Variants in EXOC3L4 observed in about 807,000 individuals in gnomAD.
The protein encoded by EXOC3L4 is exocyst complex component 3 like 4.
EXOC3L4 carries 62 observed loss-of-function variants against 69.7 expected under a neutral mutation model. The observed-to-expected ratio is 0.89, with a 90% CI of 0.72 to 1.10. The LOEUF is 1.10. Among genes scored for constraint, EXOC3L4 ranks in the 50% least tolerant of loss-of-function variants. EXOC3L4 has a pLI of 0.00. For missense variants in EXOC3L4, 1,087 were observed against 1,034.8 expected (o/e 1.05, Z -0.69); for synonymous variants, 502 against 464.2 (o/e 1.08, Z -1.05).
At chr14:103,099,296 G>C (rs1292605512) in intron 1 of EXOC3L4, among the ~76,000 whole-genome samples, 2 of 152,210 alleles carry the variant, frequency 1.3e-5, no homozygotes, top group Admixed American at 1.3e-4. Context: ...AGCTCCTAAC[G>C]CTGGAAGGGG....
At chr14:103,103,340 GCAAGACTCTGT>G (rs1353008947) in intron 3 of EXOC3L4, among the ~76,000 whole-genome samples, 2 of 121,302 alleles carry the variant, frequency 1.6e-5, no homozygotes, top group Non-Finnish European at 3.2e-5. Flanking sequence ...GGGCGACAGA[GCAAGACTCTGT>G]CTCAAAAAAA....
At chr14:103,101,775 C>T (rs186406425) in intron 2 of EXOC3L4, among the ~76,000 whole-genome samples, 149 of 152,312 alleles carry the variant, frequency 9.8e-4, no homozygotes, top group African/African-American at 3.3e-3. Flanking sequence ...GAGCTCCGAC[C>T]CTATTAGACC....
Position 103,104,359 on chromosome 14 carries a change from C to A in EXOC3L4, c.1254C>A (p.Tyr418Ter), listed in dbSNP as rs1435296224. Residue 418 changes from tyrosine (Y) to a stop codon, truncating the protein, a stop_gained, in exon 5 of 12, where the codon TAC becomes TAA. Transcript: ENST00000688303. LOFTEE classifies it high-confidence loss of function. The stretch of plus-strand genomic sequence containing the variant: ...TCCCCGAGGTGCTGCAGGGCCTCTA[C>A]CAGGCGCCGCTGTCCATGGACGTCC... Reference protein sequence around the residue: ...AEVPEVLQGLYQAPLSMDVHM... With the variant: ...AEVPEVLQGL The A allele has an allele frequency of 6.3e-7, 1 of 1,587,192 alleles. No individual in the cohort carries two copies. Among genetic ancestry groups the A allele is most frequent in the East Asian group, 2.3e-5 (1 of 43,174 alleles).
chr14:103,102,034 G>C (rs1890211557), intron 2 of EXOC3L4, 84 bp from the exon 3 acceptor site: 1 of 1,401,196 alleles, frequency 7.1e-7, no homozygotes, highest in South Asian at 1.4e-5. Flanking sequence ...AGCCCCGATG[G>C]ATTGAGCCGT....
chr14:103,104,351 G>C lies in EXOC3L4; in HGVS notation c.1246G>C (p.Gly416Arg), dbSNP rs1364083456. The change falls in exon 5 of 12, where the codon GGC (glycine) becomes CGC (arginine). Residue 416 changes from glycine to arginine, a missense_variant. Physicochemically the swap from Gly to Arg is moderately radical, Grantham distance 125. Transcript: ENST00000688303. Reference sequence around the variant, plus strand: ...CGCCGAGGTCCCCGAGGTGCTGCAGGGCCTCTACCAGGCGCCGCTGTCCAT... The same window carrying C: ...CGCCGAGGTCCCCGAGGTGCTGCAGCGCCTCTACCAGGCGCCGCTGTCCAT... ...AAAEVPEVLQ[G>R]LYQAPLSMDV... 2 of 1,589,862 alleles carry C rather than the reference G, an allele frequency of 1.3e-6. No individual in the cohort carries two copies. Among genetic ancestry groups the C allele is most frequent in the East Asian group, 4.6e-5 (2 of 43,328 alleles).
chr14:103,098,582 T>G (rs1004655692), intron 1 of EXOC3L4: 1 of 152,274 alleles, frequency 6.6e-6, no homozygotes, highest in African/African-American at 2.4e-5. Flanking sequence ...GCCTGGCTTG[T>G]CCTTCCCCAC....
chr14:103,103,910 C>A, intron 3 of EXOC3L4, 31 bp from the exon 4 acceptor site: 2 of 1,487,820 alleles, frequency 1.3e-6, no homozygotes, highest in South Asian at 1.2e-5. Flanking sequence ...CAGAGCCGCT[C>A]CCGCCCCCAG....
chr14:103,094,548 T>C (rs1013241968), upstream of EXOC3L4, among the ~76,000 whole-genome samples: 1 of 151,966 alleles, frequency 6.6e-6, no homozygotes, highest in Non-Finnish European at 1.5e-5. Context: ...TCTCTGACCC[T>C]TGGACTGAGC....
chr14:103,106,993 A>G (rs1890590587), intron 8 of EXOC3L4, 94 bp downstream of exon 8: 1 of 1,063,206 alleles, frequency 9.4e-7, no homozygotes, highest in Admixed American at 2.6e-5. Flanking sequence ...GCATTCATTT[A>G]TTCCAGGGTG....
chr14:103,105,188 G>C, intron 7 of EXOC3L4, 116 bp downstream of exon 7: 1 of 1,020,542 alleles, frequency 9.8e-7, no homozygotes, highest in Non-Finnish European at 1.4e-6. Flanking sequence ...TGAGGAGTGT[G>C]TGTGTGTGTT....
Position 103,102,646 on chromosome 14 carries a change from C to A in EXOC3L4, c.923C>A (p.Ala308Glu), listed in dbSNP as rs1454447335. 1.3e-6 allele frequency: 2 copies of A among 1,500,084 alleles called. No individual in the cohort carries two copies. The highest frequency in any genetic ancestry group is 1.8e-6 in the Non-Finnish European group (2 of 1,130,568). The allele number at this position is 1,500,084 out of a possible 1,614,324, so 92.9% of individuals were successfully genotyped here. Reference protein sequence around the residue: ...QPAYAAAGFPAWEVYLRAFHS... With the variant: ...QPAYAAAGFPEWEVYLRAFHS... ...GCGTATGCGGCGGCCGGCTTCCCAG[C>A]GTGGGAGGTCTATCTGCGTGCCTTC... Residue 308 changes from alanine to glutamate, a missense_variant, in exon 3 of 12, where the codon GCG becomes GAG. Transcript: ENST00000688303.
intron 7 of EXOC3L4, among the ~76,000 whole-genome samples, chr14:103,105,358 CTGTGTGTGTGTG>C (rs56105443): frequency 2.8e-5 from 4 of 141,590 alleles, no homozygotes; most frequent in African/African-American, 1.1e-4. Context: ...GAGCTGAGGG[CTGTGTGTGTGTG>C]TGTGTGTGTG....
chr14:103,103,845 C>G (rs1194296330), intron 3 of EXOC3L4, 96 bp from the exon 4 acceptor site: 13 of 704,570 alleles, frequency 1.8e-5, no homozygotes, highest in Non-Finnish European at 3.0e-5. Flanking sequence ...TGCCCAGGTT[C>G]GGGATTGGCG....
intron 5 of EXOC3L4, 151 bp from the exon 6 acceptor site, chr14:103,104,587 G>A: frequency 1.6e-6 from 2 of 1,236,658 alleles, no homozygotes; most frequent in South Asian, 1.7e-5. Context: ...GTTTGCGGGA[G>A]TTGACTCTCC....
rs568427314 is a variant in EXOC3L4 at position 103,100,566 on chromosome 14, A to C, written c.347A>C (p.Gln116Pro). 14 of 1,610,648 alleles carry C rather than the reference A, an allele frequency of 8.7e-6. No homozygotes were observed. In the African/African-American group the frequency reaches 1.9e-4, roughly 21 times the overall value. Reference protein sequence around the residue: ...VPSGVMNGVSQQASTGAASEE... With the variant: ...VPSGVMNGVSPQASTGAASEE... Reference sequence around the variant, plus strand: ...TCGGGGGTCATGAATGGTGTCAGCCAGCAGGCATCCACTGGGGCAGCGTCT... The same window carrying C: ...TCGGGGGTCATGAATGGTGTCAGCCCGCAGGCATCCACTGGGGCAGCGTCT... Residue 116 changes from glutamine to proline, a missense_variant, in exon 2 of 12, where the codon CAG becomes CCG. By Grantham distance (76) the Gln-to-Pro change is moderately conservative. Coordinates refer to ENST00000688303, the MANE Select transcript of EXOC3L4 (RefSeq NM_001077594.2).
rs370648114 is a variant in EXOC3L4 at position 103,102,297 on chromosome 14, G to A, written c.574G>A (p.Glu192Lys). The A allele has an allele frequency of 4.4e-6, 7 of 1,573,832 alleles. No individual in the cohort carries two copies. The highest frequency in any genetic ancestry group is 1.3e-5 in the African/African-American group (1 of 74,200). Residue 192 changes from glutamate (E) to lysine (K), a missense_variant, in exon 3 of 12, where the codon GAG (glutamate) becomes AAG (lysine). Coordinates refer to ENST00000688303, the MANE Select transcript of EXOC3L4 (RefSeq NM_001077594.2). ...VCLLYDGLAA[E>K]IGAIVRETLD... is the part of the protein sequence containing the mutation. ...CCTGCTTTACGACGGGCTGGCAGCC[G>A]AGATCGGCGCCATCGTGCGCGAGAC...
Position 103,110,125 on chromosome 14 carries a change from G to A in EXOC3L4, c.2071G>A (p.Ala691Thr), listed in dbSNP as rs1164198094. The A allele has an allele frequency of 1.3e-6, 2 of 1,556,170 alleles. No homozygotes were observed. The highest frequency in any genetic ancestry group is 1.7e-6 in the Non-Finnish European group (2 of 1,150,296). The change falls in exon 12 of 12, where the codon GCG becomes ACG. Residue 691 changes from alanine to threonine, a missense_variant. Ala to Thr is a moderately conservative substitution (Grantham distance 58). Coordinates refer to ENST00000688303, the MANE Select transcript of EXOC3L4 (RefSeq NM_001077594.2). ...GCACACTCAAGACCTGCTGAGAGCT[G>A]CGGCCGGGGCGGCGGGTGCGGAGGC... ...LQHTQDLLRA[A>T]AGAAGAEAPR...
Position 103,104,798 on chromosome 14 carries a change from C to G in EXOC3L4, c.1345C>G (p.Leu449Val). The change falls in exon 6 of 12, where the codon CTG becomes GTG. Residue 449 changes from leucine to valine, a missense_variant. Coordinates refer to ENST00000688303, the MANE Select transcript of EXOC3L4 (RefSeq NM_001077594.2). ...AISAELEATT[L>V]RICTRALGLF... ...CTCCGCGGAGCTGGAGGCCACCACC[C>G]TGCGAATCTGCACGCGGGCGCTCGG... The G allele has an allele frequency of 6.6e-7, 1 of 1,525,032 alleles. No individual in the cohort carries two copies. The highest frequency in any genetic ancestry group is 8.8e-7 in the Non-Finnish European group (1 of 1,131,762). 94.5% of individuals were successfully genotyped at this position (1,525,032 alleles called of 1,614,324 possible).
rs770799684 is a variant in EXOC3L4, at chr14:103,104,375, A to G, written c.1270A>G (p.Met424Val). 7.0e-6 allele frequency: 11 copies of G among 1,582,352 alleles called. No homozygotes were observed. The highest frequency in any genetic ancestry group is 6.0e-6 in the Non-Finnish European group (7 of 1,165,740). ...GGGCCTCTACCAGGCGCCGCTGTCC[A>G]TGGACGTCCATATGGTGCGGCCCGG... ...LQGLYQAPLS[M>V]DVHMLVAEHV... is the part of the protein sequence containing the mutation. Residue 424 changes from methionine to valine, a missense_variant, in exon 5 of 12, where the codon ATG (methionine) becomes GTG (valine). Met to Val is a conservative substitution (Grantham distance 21). Coordinates refer to ENST00000688303, the MANE Select transcript of EXOC3L4 (RefSeq NM_001077594.2).
Sources: gnomAD v4.1 joint callset for allele counts (sites outside exome capture counted in the v4.1 genomes callset) on GRCh38, gnomAD v4.1.1 for gene constraint, MANE v1.5 for transcripts, NCBI Gene and HGNC (gene_info 2026-07-23, HGNC 2026-07-21) for gene names.